Variants in ZNF148 observed in about 807,000 individuals in gnomAD.
ZNF148 encodes zinc finger protein 148.
In ZNF148, 7 loss-of-function variants were observed where a neutral mutation model predicts 67.7. The ratio of observed to expected loss-of-function variants is 0.10; its 90% CI spans 0.06 to 0.19. The LOEUF (loss-of-function observed/expected upper bound fraction) is 0.19. Ranked by LOEUF, ZNF148 falls within the 10% of genes least tolerant of loss-of-function variation. ZNF148 has a pLI of 1.00. For synonymous variants in ZNF148, 333 were observed against 330.7 expected (o/e 1.01, Z -0.08); for missense variants, 583 against 947.1 (o/e 0.62, Z 5.05).
chr3:125,304,349 G>A (rs1206094261), intron 4 of ZNF148, among the ~76,000 whole-genome samples: 1 of 152,134 alleles, frequency 6.6e-6, no homozygotes, highest in African/African-American at 2.4e-5. Context: ...TAAGTGGGGT[G>A]AAGAAAGTAT....
chr3:125,349,166 C>T (rs1942051195), intron 1 of ZNF148, among the ~76,000 whole-genome samples: 1 of 152,142 alleles, frequency 6.6e-6, no homozygotes, highest in African/African-American at 2.4e-5. Context: ...CTTCATGGCA[C>T]AGCCATGATT....
At chr3:125,322,992 G>A (rs771228123) in intron 3 of ZNF148, among the ~76,000 whole-genome samples, 2 of 152,274 alleles carry the variant, frequency 1.3e-5, no homozygotes, top group South Asian at 2.1e-4. Flanking sequence ...AACTTAATGA[G>A]TGTATATGTG....
chr3:125,301,933 G>A (rs1221423414), intron 4 of ZNF148, among the ~76,000 whole-genome samples: 5 of 151,712 alleles, frequency 3.3e-5, no homozygotes, highest in East Asian at 3.9e-4. Flanking sequence ...GCATGGTGGC[G>A]GGCATCTGGA....
At chr3:125,271,607 C>T (rs1937742052) in intron 7 of ZNF148, among the ~76,000 whole-genome samples, 1 of 152,222 alleles carries the variant, frequency 6.6e-6, no homozygotes, top group African/African-American at 2.4e-5. Flanking sequence ...AGGGAGGTGA[C>T]TTAATCATTT....
chr3:125,296,900 A>C (rs1939311551), intron 4 of ZNF148, among the ~76,000 whole-genome samples: 1 of 152,074 alleles, frequency 6.6e-6, no homozygotes, highest in South Asian at 2.1e-4. Context: ...AATTTTATAC[A>C]AACACAAATA....
At chr3:125,312,462 G>A (rs1384359273) in intron 4 of ZNF148, among the ~76,000 whole-genome samples, 2 of 152,130 alleles carry the variant, frequency 1.3e-5, no homozygotes, top group African/African-American at 4.8e-5. Flanking sequence ...CTGTCCTTAT[G>A]GAGTCTACAA....
intron 3 of ZNF148, among the ~76,000 whole-genome samples, chr3:125,317,662 T>TATATATAGAGAGAGAGAG (rs752542874): frequency 5.7e-4 from 51 of 90,044 alleles, no homozygotes; most frequent in East Asian, 2.7e-3. Flanking sequence ...TATATATATA[T>TATATATAGAGAGAGAGAG]AGAGAGAGAG....
At chr3:125,256,575 C>T (rs1255330262) in intron 7 of ZNF148, among the ~76,000 whole-genome samples, 4 of 152,104 alleles carry the variant, frequency 2.6e-5, no homozygotes, top group African/African-American at 9.7e-5. Flanking sequence ...ACTCGGGAGG[C>T]TCAGGCAGAA....
intron 1 of ZNF148, among the ~76,000 whole-genome samples, chr3:125,350,229 G>A (rs1047950457): frequency 2.6e-5 from 4 of 151,996 alleles, no homozygotes; most frequent in Non-Finnish European, 5.9e-5. Flanking sequence ...GCGCAATCTC[G>A]GCTTACTGCA....
At chr3:125,342,005 G>GA (rs1941746098) in intron 1 of ZNF148, among the ~76,000 whole-genome samples, 11 of 147,960 alleles carry the variant, frequency 7.4e-5, no homozygotes, top group Admixed American at 6.1e-4. Context: ...GGGGCGGGGG[G>GA]GGGAATGGAA....
intron 7 of ZNF148, among the ~76,000 whole-genome samples, chr3:125,248,935 C>A (rs1476963270): frequency 1.3e-5 from 2 of 152,124 alleles, no homozygotes; most frequent in East Asian, 3.8e-4. Context: ...CTTAAAAATG[C>A]AGGTGTAATT....
chr3:125,251,509 C>G (rs1188859598), intron 7 of ZNF148, among the ~76,000 whole-genome samples: 2 of 152,138 alleles, frequency 1.3e-5, no homozygotes, highest in Non-Finnish European at 2.9e-5. Flanking sequence ...GCACCTCCAC[C>G]CCTTTTCTCC....
intron 3 of ZNF148, 26 bp downstream of exon 3, chr3:125,323,282 AT>A: frequency 1.8e-6 from 1 of 554,900 alleles, no homozygotes; most frequent in Non-Finnish European, 3.2e-6. Flanking sequence ...TTTATTCAAG[AT>A]TATGAAAAAT....
chr3:125,341,422 C>G (rs1018149443), intron 1 of ZNF148, among the ~76,000 whole-genome samples: 1 of 151,350 alleles, frequency 6.6e-6, no homozygotes, highest in South Asian at 2.1e-4. Flanking sequence ...AGGGTAAGAC[C>G]AGCGTGGGCA....
intron 7 of ZNF148, among the ~76,000 whole-genome samples, chr3:125,258,223 C>A (rs1478200431): frequency 6.6e-6 from 1 of 151,770 alleles, no homozygotes. Flanking sequence ...GAGATCGAAA[C>A]CATCCTGGCT....
At chr3:125,296,981 A>G (rs1939317014) in intron 4 of ZNF148, among the ~76,000 whole-genome samples, 1 of 152,062 alleles carries the variant, frequency 6.6e-6, no homozygotes, top group South Asian at 2.1e-4. Flanking sequence ...AGAAACATTA[A>G]AATGTTAGCA....
At position 125,308,538 on chromosome 3, in the gene ZNF148, AAAC is replaced by A. The variant is rs765743820; in HGVS notation, c.333+4767_333+4769del. 4.3e-3 allele frequency among the ~76,000 whole-genome samples: 548 copies of A among 128,568 alleles called. 11 individuals carry two copies. Among genetic ancestry groups the A allele is most frequent in the African/African-American group, 0.016 (519 of 32,822 alleles). The allele number at this position is 128,568 out of a possible 152,430, so 84.3% of individuals were successfully genotyped here. A position where few individuals can be genotyped will look rare whatever the true frequency, so the allele number is the denominator to read the frequency against. ...GTTGACTTTTCTATAAAAAAAAAAA[AAAC>A]AAAAACCTAAAAGGTGGATTCCATA... On this transcript the variant is annotated intron_variant, in intron 4 of 8. Transcript: ENST00000360647.
At chr3:125,316,028 C>T (rs1422435927) in intron 3 of ZNF148, among the ~76,000 whole-genome samples, 2 of 152,078 alleles carry the variant, frequency 1.3e-5, no homozygotes. Flanking sequence ...AGTAACTATC[C>T]CCTTTTACTC....
Position 125,249,359 on chromosome 3 carries a change from G to C in ZNF148, c.668-15030C>G, listed in dbSNP as rs1936736228. On this transcript the variant is annotated intron_variant, in intron 7 of 8. Coordinates refer to ENST00000360647, the MANE Select transcript of ZNF148 (RefSeq NM_021964.3). ...ATAGCCTACTTTTAAAATGGGCAAA[G>C]GACCTGAATATACATTTTTCCAAAG... Among the ~76,000 whole-genome samples the C allele has an allele frequency of 3.3e-5, 5 of 152,150 alleles. No individual in the cohort carries two copies. The South Asian group carries it at 1.0e-3, about 32-fold the overall frequency.
Sources: allele counts gnomAD v4.1 joint callset (sites outside exome capture counted in the v4.1 genomes callset), GRCh38; gene constraint gnomAD v4.1.1; transcripts MANE v1.5; gene names NCBI Gene and HGNC (gene_info 2026-07-23, HGNC 2026-07-21).